SLC2A13: variants seen among roughly 807,000 people sequenced by gnomAD.
SLC2A13 encodes the protein solute carrier family 2 member 13, also known as proton myo-inositol cotransporter.
SLC2A13 carries 32 observed loss-of-function variants against 64.4 expected under a neutral mutation model. That is an observed-to-expected ratio of 0.50 (90% CI 0.37 to 0.67). The LOEUF is 0.67. Among genes scored for constraint, SLC2A13 ranks in the 30% least tolerant of loss-of-function variants. SLC2A13 has a pLI of 0.00. For missense variants in SLC2A13, 743 were observed against 829.2 expected, an observed-to-expected ratio of 0.90 and a Z score of 1.28; for synonymous variants, 338 against 327.1, an observed-to-expected ratio of 1.03 and a Z score of -0.36.
chr12:39,916,042 G>A (rs1433724833), intron 4 of SLC2A13, among the ~76,000 whole-genome samples: 1 of 151,720 alleles, frequency 6.6e-6, no homozygotes. Flanking sequence ...TGCCACCATT[G>A]AGAATATTCA....
chr12:39,820,720 TATATATATA>T, intron 7 of SLC2A13, among the ~76,000 whole-genome samples: 1 of 622 alleles, frequency 1.6e-3, no homozygotes, highest in Non-Finnish European at 2.8e-3. Context: ...TTTAAATTTA[TATATATATA>T]TATATATATA....
Position 40,096,724 on chromosome 12 carries a change from A to G in SLC2A13, c.556+8529T>C, listed in dbSNP as rs1485152046. The stretch of plus-strand genomic sequence containing the variant: ...TTCATCCTATACTGGTTTTAATAAT[A>G]TATACAGTATACCCTATACATTATA... On this transcript the variant is annotated intron_variant, in intron 1 of 9. Transcript: ENST00000280871. 2.0e-5 allele frequency among the ~76,000 whole-genome samples: 3 copies of G among 151,986 alleles called. No homozygotes were observed. The East Asian group carries it at 5.8e-4, about 29-fold the overall frequency.
chr12:39,992,393 A>G (rs1271834241), intron 3 of SLC2A13, among the ~76,000 whole-genome samples: 6 of 152,190 alleles, frequency 3.9e-5, no homozygotes, highest in Non-Finnish European at 4.4e-5. Flanking sequence ...GAAAAACAGA[A>G]TATTACTACC....
chr12:40,090,856 TGAA>T (rs1370852773), intron 1 of SLC2A13, among the ~76,000 whole-genome samples: 2 of 152,212 alleles, frequency 1.3e-5, no homozygotes, highest in African/African-American at 4.8e-5. Flanking sequence ...ATATTATCTA[TGAA>T]GAAGTAAAAA....
At chr12:39,911,500 A>C (rs1193150209) in intron 4 of SLC2A13, among the ~76,000 whole-genome samples, 1 of 152,104 alleles carries the variant, frequency 6.6e-6, no homozygotes, top group Non-Finnish European at 1.5e-5. Context: ...AAAGAAAAAA[A>C]GTGTCGGGGA....
intron 4 of SLC2A13, among the ~76,000 whole-genome samples, chr12:39,937,105 C>T (rs1945930423): frequency 6.6e-6 from 1 of 151,968 alleles, no homozygotes; most frequent in African/African-American, 2.4e-5. Flanking sequence ...AGAACCATGG[C>T]CAAGTGATGA....
At chr12:40,059,189 C>T (rs1181081191) in intron 1 of SLC2A13, among the ~76,000 whole-genome samples, 1 of 152,182 alleles carries the variant, frequency 6.6e-6, no homozygotes, top group Non-Finnish European at 1.5e-5. Flanking sequence ...TGTAAAACAC[C>T]TAGCTCCATT....
intron 4 of SLC2A13, among the ~76,000 whole-genome samples, chr12:39,900,754 C>T (rs916316333): frequency 6.6e-6 from 1 of 152,090 alleles, no homozygotes. Context: ...GTGAAAATGG[C>T]CATACTGCCC....
At chr12:39,971,868 A>G (rs1325530168) in intron 3 of SLC2A13, among the ~76,000 whole-genome samples, 25 of 150,878 alleles carry the variant, frequency 1.7e-4, no homozygotes, top group Non-Finnish European at 1.0e-4. Context: ...CCAGCTACTC[A>G]GGAGGCTGAG....
intron 4 of SLC2A13, among the ~76,000 whole-genome samples, chr12:39,882,578 T>C (rs73104984): frequency 0.02 from 3,110 of 152,276 alleles, 110 homozygotes; most frequent in African/African-American, 0.068. Context: ...TTTCATAGCA[T>C]TTCCCTTCTT....
intron 3 of SLC2A13, among the ~76,000 whole-genome samples, chr12:40,021,603 T>C (rs1226408550): frequency 6.6e-6 from 1 of 152,242 alleles, no homozygotes; most frequent in Non-Finnish European, 1.5e-5. Flanking sequence ...GAATATTGGA[T>C]ATAGAAATGT....
intron 4 of SLC2A13, among the ~76,000 whole-genome samples, chr12:39,940,434 G>A (rs1592301981): frequency 6.6e-6 from 1 of 151,584 alleles, no homozygotes; most frequent in South Asian, 2.1e-4. Flanking sequence ...TACCAGCTGT[G>A]CTTGTTGAGG....
Position 39,920,977 on chromosome 12 carries a change from T to C in SLC2A13, c.1034+30280A>G, listed in dbSNP as rs150095963. Among the ~76,000 whole-genome samples, 397 of 152,080 alleles carry C rather than the reference T, an allele frequency of 2.6e-3. 5 individuals are homozygous for C. Among genetic ancestry groups the C allele is most frequent in the African/African-American group, 9.2e-3 (380 of 41,420 alleles). On this transcript the variant is annotated intron_variant, in intron 4 of 9. Transcript: ENST00000280871. Reference sequence around the variant, plus strand: ...TTCAGCACTATGCACATCAGCGCTGTGTGTAAAAAATTTGGCAAACAGACA... The same window carrying C: ...TTCAGCACTATGCACATCAGCGCTGCGTGTAAAAAATTTGGCAAACAGACA...
intron 4 of SLC2A13, among the ~76,000 whole-genome samples, chr12:39,933,477 T>C (rs1945865110): frequency 2.0e-5 from 3 of 152,222 alleles, no homozygotes; most frequent in African/African-American, 4.8e-5. Context: ...GTTCCCATAC[T>C]TTCTTGCTTC....
intron 6 of SLC2A13, among the ~76,000 whole-genome samples, chr12:39,849,131 G>T (rs1310566061): frequency 3.3e-5 from 5 of 151,942 alleles, no homozygotes; most frequent in Non-Finnish European, 7.4e-5. Context: ...TGACATGTTT[G>T]TCTATATAAC....
At chr12:39,803,216 A>C (rs529242905) in intron 7 of SLC2A13, among the ~76,000 whole-genome samples, 96 of 152,088 alleles carry the variant, frequency 6.3e-4, no homozygotes, top group African/African-American at 2.2e-3. Context: ...AAAAAAAAAA[A>C]AAAAAACTTT....
chr12:39,939,013 T>A (rs1401597930), intron 4 of SLC2A13, among the ~76,000 whole-genome samples: 1 of 152,226 alleles, frequency 6.6e-6, no homozygotes, highest in East Asian at 1.9e-4. Context: ...ACACTCAAGT[T>A]GAGGGAATGG....
intron 3 of SLC2A13, among the ~76,000 whole-genome samples, chr12:40,025,968 G>A (rs953012101): frequency 2.0e-5 from 3 of 152,178 alleles, no homozygotes; most frequent in African/African-American, 7.2e-5. Flanking sequence ...CCAGAGTCTT[G>A]CTCCTGGACA....
In SLC2A13 at chr12:40,105,661, T is replaced by G. The variant is rs1939286889; in HGVS notation, c.148A>C (p.Ser50Arg). The G allele has an allele frequency of 1.3e-6, 2 of 1,492,588 alleles. No individual in the cohort carries two copies. The highest frequency in any genetic ancestry group is 1.8e-6 in the Non-Finnish European group (2 of 1,123,280). 92.5% of individuals were successfully genotyped at this position (1,492,588 alleles called of 1,614,324 possible). ...SLLAAAESST[S>R]LQSAGAGGGG... The stretch of plus-strand genomic sequence containing the variant: ...CCGCCCGCGCCCGCGCTCTGCAGGC[T>G]GGTGCTCGATTCGGCGGCAGCCAGG... Residue 50 changes from serine (S) to arginine (R), a missense_variant, in exon 1 of 10, where the codon AGC becomes CGC. Coordinates refer to ENST00000280871, the MANE Select transcript of SLC2A13 (RefSeq NM_052885.4). This position sits in a 1 kb window ranked among gnomAD's most constrained non-coding sequence, Gnocchi z 4.2.
Sources: allele counts gnomAD v4.1 joint callset (sites outside exome capture counted in the v4.1 genomes callset), GRCh38; gene constraint gnomAD v4.1.1; non-coding constraint Gnocchi (gnomAD v3.1); transcripts MANE v1.5; gene names NCBI Gene and HGNC (gene_info 2026-07-23, HGNC 2026-07-21).